Variants in TRIM41 observed in about 807,000 individuals in gnomAD.
TRIM41 encodes tripartite motif containing 41.
A neutral mutation model predicts 60.6 loss-of-function variants in TRIM41; 21 were observed. The observed-to-expected ratio is 0.35, with a 90% confidence interval of 0.25 to 0.50. The LOEUF is 0.50. Among genes scored for constraint, TRIM41 ranks in the 20% least tolerant of loss-of-function variants. TRIM41 has a pLI of 0.98. For missense variants in TRIM41, 846 were observed against 868.3 expected, an observed-to-expected ratio of 0.97 and a Z score of 0.32; for synonymous variants, 407 against 344.9, an observed-to-expected ratio of 1.18 and a Z score of -2.00.
chr5:181,233,795 C>T lies in TRIM41; in HGVS notation c.1291+32C>T. Reference sequence around the variant, plus strand: ...AGGTCACCTCCACGACCTTCCTTTGCCTTTCCCTTCACAGACCTGAGACTG... The same window carrying T: ...AGGTCACCTCCACGACCTTCCTTTGTCTTTCCCTTCACAGACCTGAGACTG... On this transcript the variant is annotated intron_variant, in intron 5 of 5. Coordinates refer to ENST00000315073, the MANE Select transcript of TRIM41 (RefSeq NM_033549.5). The surrounding 1 kb of genome is among the most constrained non-coding windows in gnomAD (Gnocchi z 4.1). 6.2e-7 allele frequency: 1 copy of T among 1,614,074 alleles called. No homozygotes were observed.
chr5:181,225,191 G>C (rs983359009), intron 1 of TRIM41: 2 of 293,830 alleles, frequency 6.8e-6, no homozygotes, highest in African/African-American at 4.3e-5. Context: ...AAAAGGCTCA[G>C]AAGCAGGAAC....
chr5:181,226,465 C>T (rs1758557613), intron 1 of TRIM41: 2 of 152,196 alleles, frequency 1.3e-5, no homozygotes, highest in South Asian at 4.1e-4. Flanking sequence ...TTCAAAAATA[C>T]AGTGGATCCT....
chr5:181,230,496 C>CAAAAAAAAAAAAAAAA (rs60815823), intron 1 of TRIM41: 2 of 42,832 alleles, frequency 4.7e-5, no homozygotes, highest in Non-Finnish European at 9.1e-5. Flanking sequence ...GACTCTGTCT[C>CAAAAAAAAAAAAAAAA]AAAAAAAAAA....
chr5:181,228,543 G>A (rs1240198769), intron 1 of TRIM41: 1 of 124,622 alleles, frequency 8.0e-6, no homozygotes, highest in African/African-American at 3.6e-5. Flanking sequence ...GGGCAACACA[G>A]CGAGACTCCC....
At chr5:181,232,628 G>A in intron 2 of TRIM41, 31 bp from the exon 3 acceptor site, 1 of 1,595,362 alleles carries the variant, frequency 6.3e-7, no homozygotes, top group Non-Finnish European at 8.5e-7. Flanking sequence ...GTGTTGAGGT[G>A]GTGTCTGCCA....
chr5:181,231,188 G>T (rs1758781230), intron 2 of TRIM41: 1 of 311,372 alleles, frequency 3.2e-6, no homozygotes. Flanking sequence ...CAGGATCCAT[G>T]CAGGCACTGG....
At position 181,230,758 on chromosome 5, in the gene TRIM41, G is replaced by A. The variant is rs1164001704; in HGVS notation, c.828G>A (p.Gly276=). 6.2e-7 allele frequency: 1 copy of A among 1,612,962 alleles called. No individual in the cohort carries two copies. The change falls in exon 2 of 6, where the codon GGG becomes GGA. Residue 276 remains glycine, a synonymous_variant. Coordinates refer to ENST00000315073, the MANE Select transcript of TRIM41 (RefSeq NM_033549.5). ...VVQEYKAKLQ[G]HVEPLRKHLE... ...TGTTTCCTCAGGCCAAACTGCAGGG[G>A]CACGTGGAACCACTGAGGAAGCACC...
In TRIM41 at chr5:181,235,674, A is replaced by G. The variant is rs542719882; in HGVS notation, c.*899A>G. ...GGTCCCCAGGAGGAGAGCCTTGGGT[A>G]TAATCTATTTTTCTAGGAGCCTCTT... On this transcript the variant is annotated 3_prime_UTR_variant, in exon 6 of 6. Transcript: ENST00000315073. 6.3e-4 allele frequency: 272 copies of G among 433,114 alleles called. 2 individuals carry two copies. The East Asian group carries it at 0.01, about 16-fold the overall frequency. The allele number at this position is 433,114 out of a possible 1,614,324, so 26.8% of individuals were successfully genotyped here.
rs201680080 is a variant in TRIM41 at position 181,234,134 on chromosome 5, C to T, written c.1292-40C>T. The T allele has an allele frequency of 2.4e-4, 379 of 1,602,018 alleles. 1 individual carries two copies. The highest frequency in any genetic ancestry group is 2.3e-3 in the South Asian group (212 of 91,078). ...AGTTGGCTGCTGACAGGGGAACAGC[C>T]GTTCCAGCCCTGGCGTATTTGTCCT... is the stretch of plus-strand genomic sequence containing the variant. On this transcript the variant is annotated intron_variant, in intron 5 of 5. Transcript: ENST00000315073. This position sits in a 1 kb window ranked among gnomAD's most constrained non-coding sequence, Gnocchi z 5.6.
rs754481439 is a variant in TRIM41 at position 181,234,676 on chromosome 5, A to G, written c.1794A>G (p.Leu598=). The change falls in exon 6 of 6, where the codon CTA becomes CTG. Residue 598 remains leucine, a synonymous_variant. Transcript: ENST00000315073. The surrounding 1 kb of genome is among the most constrained non-coding windows in gnomAD (Gnocchi z 5.6). ...TGGGCTTCTACAACGCAGAGACTCT[A>G]GCCCACGTGCACACCTTCTCGGCTG... ...GRLGFYNAET[L]AHVHTFSAAF... The G allele has an allele frequency of 6.2e-7, 1 of 1,614,208 alleles. No individual in the cohort carries two copies. The highest frequency in any genetic ancestry group is 1.1e-5 in the South Asian group (1 of 91,082).
chr5:181,233,782 C>G lies in TRIM41; in HGVS notation c.1291+19C>G. ...GCGAGAGGTAGGGAGGTCACCTCCA[C>G]GACCTTCCTTTGCCTTTCCCTTCAC... On this transcript the variant is annotated intron_variant, in intron 5 of 5. Coordinates refer to ENST00000315073, the MANE Select transcript of TRIM41 (RefSeq NM_033549.5). This position sits in a 1 kb window ranked among gnomAD's most constrained non-coding sequence, Gnocchi z 4.1. The G allele has an allele frequency of 6.2e-7, 1 of 1,614,188 alleles. No individual in the cohort carries two copies. Among genetic ancestry groups the G allele is most frequent in the Non-Finnish European group, 8.5e-7 (1 of 1,180,012 alleles).
chr5:181,223,570 G>T lies in TRIM41; in HGVS notation c.-430G>T. ...TCTCCTCGCCATTTCCTGTCGCCCT[G>T]GGGCCCCGCGGGGAAAAAGGGGGAG... On this transcript the variant is annotated 5_prime_UTR_variant, in exon 1 of 6. Coordinates refer to ENST00000315073, the MANE Select transcript of TRIM41 (RefSeq NM_033549.5). The T allele has an allele frequency of 2.2e-6, 1 of 448,586 alleles. No homozygotes were observed. The highest frequency in any genetic ancestry group is 6.5e-5 in the South Asian group (1 of 15,326). 27.8% of individuals were successfully genotyped at this position (448,586 alleles called of 1,614,324 possible). A position where few individuals can be genotyped will look rare whatever the true frequency, so the allele number is the denominator to read the frequency against.
chr5:181,224,554 G>C lies in TRIM41; in HGVS notation c.555G>C (p.Gln185His), dbSNP rs900162156. Residue 185 changes from glutamine to histidine, a missense_variant, in exon 1 of 6, where the codon CAG (glutamine) becomes CAC (histidine). By Grantham distance (24) the Gln-to-His change is conservative. Transcript: ENST00000315073. ...PAPRRCFTCP[Q>H]CRKSFPRRSF... is the part of the protein sequence containing the mutation. ...CTCGGAGGTGCTTCACATGCCCTCAGTGCCGAAAGAGCTTTCCTCGGCGGA... is the reference window on the plus strand; with the variant it reads ...CTCGGAGGTGCTTCACATGCCCTCACTGCCGAAAGAGCTTTCCTCGGCGGA... 2 of 1,613,806 alleles carry C rather than the reference G, an allele frequency of 1.2e-6. No homozygotes were observed. Among genetic ancestry groups the C allele is most frequent in the Admixed American group, 3.3e-5 (2 of 60,020 alleles).
intron 1 of TRIM41, chr5:181,229,649 A>G (rs1335910557): frequency 1.3e-5 from 2 of 152,350 alleles, no homozygotes; most frequent in East Asian, 1.9e-4. Flanking sequence ...AGCAGAAAGA[A>G]GCAAAGAAGT....
chr5:181,233,320 TCTGA>T lies in TRIM41; in HGVS notation c.1141-89_1141-86del. On this transcript the variant is annotated intron_variant, in intron 3 of 5. Coordinates refer to ENST00000315073, the MANE Select transcript of TRIM41 (RefSeq NM_033549.5). This position sits in a 1 kb window ranked among gnomAD's most constrained non-coding sequence, Gnocchi z 4.1. ...TCTCCCTTCCTGCTCAGGTTCAGTC[TCTGA>T]CTGGAGATCGGGGAACGCTGTCCCT... is the stretch of plus-strand genomic sequence containing the variant. 2.3e-6 allele frequency: 3 copies of T among 1,333,060 alleles called. No homozygotes were observed. The highest frequency in any genetic ancestry group is 2.3e-5 in the South Asian group (2 of 85,364). 82.6% of individuals were successfully genotyped at this position (1,333,060 alleles called of 1,614,324 possible).
At position 181,224,147 on chromosome 5, in the gene TRIM41, G is replaced by T. The variant is rs1366043486; in HGVS notation, c.148G>T (p.Gly50Trp). Residue 50 changes from glycine to tryptophan, a missense_variant, in exon 1 of 6, where the codon GGG becomes TGG. Gly to Trp is a radical substitution (Grantham distance 184). Transcript: ENST00000315073. ...CRVCVTQLWG[G>W]EDEEDRDELD... is the part of the protein sequence containing the mutation. ...AGTTTGTGTAACCCAGTTGTGGGGTGGGGAGGATGAGGAGGACAGAGATGA... is the reference window on the plus strand; with the variant it reads ...AGTTTGTGTAACCCAGTTGTGGGGTTGGGAGGATGAGGAGGACAGAGATGA... 1.2e-6 allele frequency: 2 copies of T among 1,614,074 alleles called. No homozygotes were observed. The highest frequency in any genetic ancestry group is 2.2e-5 in the East Asian group (1 of 44,896).
Position 181,233,507 on chromosome 5 carries a change from C to T in TRIM41, c.1163+72C>T. 3 of 1,612,562 alleles carry T rather than the reference C, an allele frequency of 1.9e-6. No individual in the cohort carries two copies. Among genetic ancestry groups the T allele is most frequent in the Non-Finnish European group, 2.5e-6 (3 of 1,178,746 alleles). On this transcript the variant is annotated intron_variant, in intron 4 of 5. Coordinates refer to ENST00000315073, the MANE Select transcript of TRIM41 (RefSeq NM_033549.5). This position sits in a 1 kb window ranked among gnomAD's most constrained non-coding sequence, Gnocchi z 4.1. ...CCTGTCCCTGCTTCTCTTCGGTATC[C>T]CTCTCCTCTCCTTCCTTCCCCAGGA...
chr5:181,225,153 GA>G (rs1758493136), intron 1 of TRIM41: 1 of 345,964 alleles, frequency 2.9e-6, no homozygotes, highest in African/African-American at 2.1e-5. Context: ...CCTAGAGATG[GA>G]AAGAACTGGG....
chr5:181,224,966 T>G, intron 1 of TRIM41, 154 bp downstream of exon 1: 1 of 879,928 alleles, frequency 1.1e-6, no homozygotes, highest in South Asian at 1.7e-5. Flanking sequence ...GCCACCAAGG[T>G]GGATTAGAAT....
Sources: gnomAD v4.1 joint callset for allele counts on GRCh38, gnomAD v4.1.1 for gene constraint, Gnocchi (gnomAD v3.1) non-coding constraint, MANE v1.5 for transcripts, NCBI Gene and HGNC (gene_info 2026-07-23, HGNC 2026-07-21) for gene names.